The following CLN6 variants were observed in gnomAD, a reference collection of about 807,000 sequenced individuals.
CLN6 encodes the protein CLN6 transmembrane ER protein.
Under a neutral mutation model 33.3 loss-of-function variants are expected in CLN6, and 22 were observed. The observed-to-expected ratio is 0.66, with a 90% CI of 0.47 to 0.94. The LOEUF (loss-of-function observed/expected upper bound fraction) is 0.94, where lower values mean the gene tolerates loss of function less well. Among genes scored for constraint, CLN6 ranks in the 40% least tolerant of loss-of-function variants. The pLI, the probability that CLN6 is intolerant of heterozygous loss-of-function variation, is 0.00. For missense variants in CLN6, 387 were observed against 417.1 expected (o/e 0.93, Z 0.63); for synonymous variants, 201 against 174.6 (o/e 1.15, Z -1.19).
In CLN6 at chr15:68,208,009, C is replaced by A. The variant is rs556392570; in HGVS notation, c.*131G>T. 4.9e-4 allele frequency: 455 copies of A among 924,266 alleles called. No homozygotes were observed. Among genetic ancestry groups the A allele is most frequent in the Non-Finnish European group, 6.7e-4 (401 of 596,636 alleles). 57.3% of individuals were successfully genotyped at this position (924,266 alleles called of 1,614,324 possible). On this transcript the variant is annotated 3_prime_UTR_variant, in exon 7 of 7. Coordinates refer to ENST00000249806, the MANE Select transcript of CLN6 (RefSeq NM_017882.3). The surrounding 1 kb of genome is among the most constrained non-coding windows in gnomAD (Gnocchi z 5.8). ...ACACACACACACACACGAATCCACG[C>A]ACACGAGGCACACCCCACTCATGCT...
intron 2 of CLN6, among the ~76,000 whole-genome samples, chr15:68,216,635 T>C (rs1304764234): frequency 3.9e-5 from 6 of 152,236 alleles, no homozygotes; most frequent in Non-Finnish European, 5.9e-5. Flanking sequence ...GTATCCATAA[T>C]TTCTGCTTAA....
At chr15:68,231,639 T>C (rs2093268835), upstream of CLN6, among the ~76,000 whole-genome samples, 1 of 152,276 alleles carries the variant, frequency 6.6e-6, no homozygotes, top group Admixed American at 6.5e-5. Flanking sequence ...AGAGGTGGGC[T>C]TCCAGCCATC....
intron 1 of CLN6, chr15:68,254,675 A>G (rs1300040991): frequency 1.4e-6 from 1 of 729,494 alleles, no homozygotes; most frequent in Non-Finnish European, 2.5e-6. Flanking sequence ...AGGAGATAAA[A>G]CCAAGATGAA....
At position 68,246,961 on chromosome 15, in the gene CLN6, G is replaced by T. The variant is rs1192746006; in HGVS notation, c.179+9729C>A. Among the ~76,000 whole-genome samples, 1 of 152,050 alleles carries T rather than the reference G, an allele frequency of 6.6e-6. No homozygotes were observed. Among genetic ancestry groups the T allele is most frequent in the Non-Finnish European group, 1.5e-5 (1 of 68,018 alleles). ...ACTTTAGGTCAGGAGTTCGAGACCA[G>T]CCTGGCCAACATATTAAAACCCTGT... is the stretch of plus-strand genomic sequence containing the variant. On this transcript the variant is annotated intron_variant, in intron 1 of 6. Coordinates refer to the CLN6 transcript ENST00000538696. This position sits in a 1 kb window ranked among gnomAD's most constrained non-coding sequence, Gnocchi z 4.5.
chr15:68,224,478 C>T (rs1272698559), intron 1 of CLN6, among the ~76,000 whole-genome samples: 1 of 151,636 alleles, frequency 6.6e-6, no homozygotes, highest in Non-Finnish European at 1.5e-5. Context: ...AAAAATTAGC[C>T]CAGCATGGTG....
intron 1 of CLN6, among the ~76,000 whole-genome samples, chr15:68,237,786 T>TA (rs1465278847): frequency 6.6e-6 from 1 of 152,172 alleles, no homozygotes; most frequent in African/African-American, 2.4e-5. Flanking sequence ...CCAGATCTAA[T>TA]AAAAGACATG....
At position 68,229,563 on chromosome 15, in the gene CLN6, G is replaced by A. The variant is rs1322024206; in HGVS notation, c.22C>T (p.Gln8Ter). 3 of 1,467,282 alleles carry A rather than the reference G, an allele frequency of 2.0e-6. No homozygotes were observed. Among genetic ancestry groups the A allele is most frequent in the Admixed American group, 2.4e-5 (1 of 42,490 alleles). The allele number at this position is 1,467,282 out of a possible 1,614,324, so 90.9% of individuals were successfully genotyped here. ...GGGCCGCCCGTCGCTCCCAGGTGCTGCCGCCTCCGCGTCGCCTCCATGGCT... is the reference window on the plus strand; with the variant it reads ...GGGCCGCCCGTCGCTCCCAGGTGCTACCGCCTCCGCGTCGCCTCCATGGCT... MEATRRR[Q>*]HLGATGGPGA... is the part of the protein sequence containing the mutation. Residue 8 changes from glutamine to a stop codon, truncating the protein, a stop_gained, in exon 1 of 7, where the codon CAG (glutamine) becomes TAG (stop). Transcript: ENST00000249806. LOFTEE classifies it high-confidence loss of function.
chr15:68,214,440 C>T, intron 2 of CLN6, 52 bp from the exon 3 acceptor site: 1 of 1,424,666 alleles, frequency 7.0e-7, no homozygotes, highest in South Asian at 1.2e-5. Flanking sequence ...CCACGCGGCC[C>T]TCGGGCCTCA....
intron 2 of CLN6, among the ~76,000 whole-genome samples, chr15:68,215,882 G>A (rs141129369): frequency 5.9e-5 from 9 of 152,296 alleles, no homozygotes; most frequent in African/African-American, 1.2e-4. Flanking sequence ...GGGTGTTCCC[G>A]AAACTGTCAG....
intron 1 of CLN6, among the ~76,000 whole-genome samples, chr15:68,225,275 ATATT>A (rs2093248586): frequency 6.6e-6 from 1 of 152,246 alleles, no homozygotes. Flanking sequence ...TGTTGGAACA[ATATT>A]TATTAAATAC....
rs984604299 is a variant in CLN6, at chr15:68,220,583, G to A, written c.84-1933C>T. On this transcript the variant is annotated intron_variant, in intron 1 of 6. Coordinates refer to ENST00000249806, the MANE Select transcript of CLN6 (RefSeq NM_017882.3). This position sits in a 1 kb window ranked among gnomAD's most constrained non-coding sequence, Gnocchi z 4.2. ...CCTACAGCCAAGGTTCCACCCTCAA[G>A]GGACATCCAGGTAAGAATGAAGTAG... Among the ~76,000 whole-genome samples the A allele has an allele frequency of 1.3e-5, 2 of 152,198 alleles. No homozygotes were observed. The highest frequency in any genetic ancestry group is 2.9e-5 in the Non-Finnish European group (2 of 68,038).
At chr15:68,245,114 T>TG (rs1302161688) in intron 1 of CLN6, among the ~76,000 whole-genome samples, 1 of 148,872 alleles carries the variant, frequency 6.7e-6, no homozygotes, top group African/African-American at 2.5e-5. Flanking sequence ...TGTGGGGAGA[T>TG]GGAGTTAAAG....
intron 1 of CLN6, among the ~76,000 whole-genome samples, chr15:68,248,139 A>G (rs1353307530): frequency 6.6e-6 from 1 of 152,222 alleles, no homozygotes; most frequent in Non-Finnish European, 1.5e-5. Context: ...AAACAGACAC[A>G]TAGACTAATG....
rs780802736 is a variant in CLN6 at position 68,220,537 on chromosome 15, A to G, written c.84-1887T>C. Among the ~76,000 whole-genome samples, 1 of 152,244 alleles carries G rather than the reference A, an allele frequency of 6.6e-6. No individual in the cohort carries two copies. The highest frequency in any genetic ancestry group is 1.5e-5 in the Non-Finnish European group (1 of 68,034). On this transcript the variant is annotated intron_variant, in intron 1 of 6. Coordinates refer to ENST00000249806, the MANE Select transcript of CLN6 (RefSeq NM_017882.3). This position sits in a 1 kb window ranked among gnomAD's most constrained non-coding sequence, Gnocchi z 4.2. ...TCCTTCCTTTATAGTGCTGGGTTCTAAGGGTGCAAGCCCAGGACTGCCTAC... is the reference window on the plus strand; with the variant it reads ...TCCTTCCTTTATAGTGCTGGGTTCTGAGGGTGCAAGCCCAGGACTGCCTAC...
upstream of CLN6, chr15:68,229,772 A>AGGGAGGCGGGGCGGAGGGAGGCGGG (rs1555440260): frequency 2.5e-4 from 68 of 268,856 alleles, no homozygotes; most frequent in African/African-American, 1.6e-3. Flanking sequence ...AGCGGAGCGG[A>AGGGAGGCGGGGCGGAGGGAGGCGGG]GCGGAGGGAG....
At chr15:68,229,380 C>T in intron 1 of CLN6, 122 bp downstream of exon 1, 3 of 721,804 alleles carry the variant, frequency 4.2e-6, no homozygotes, top group Non-Finnish European at 6.0e-6. Context: ...GCGCTCCGCT[C>T]CGCCCCGGCC....
At chr15:68,253,720 G>T (rs2141167686) in intron 1 of CLN6, among the ~76,000 whole-genome samples, 1 of 152,340 alleles carries the variant, frequency 6.6e-6, no homozygotes, top group Admixed American at 6.5e-5. Flanking sequence ...ATGTGACAGT[G>T]ACACAAATGT....
At position 68,246,228 on chromosome 15, in the gene CLN6, G is replaced by A. The variant is rs561693032; in HGVS notation, c.179+10462C>T. On this transcript the variant is annotated intron_variant, in intron 1 of 6. Coordinates refer to the CLN6 transcript ENST00000538696. The surrounding 1 kb of genome is among the most constrained non-coding windows in gnomAD (Gnocchi z 4.5). ...ACTAGACCAAATAGGCCTAACTGAC[G>A]TTTACAGAACATTTCACCCAACTGC... is the stretch of plus-strand genomic sequence containing the variant. Among the ~76,000 whole-genome samples, 4 of 152,194 alleles carry A rather than the reference G, an allele frequency of 2.6e-5. No individual in the cohort carries two copies. The highest frequency in any genetic ancestry group is 7.2e-5 in the African/African-American group (3 of 41,482).
rs186797659 is a variant in CLN6, at chr15:68,214,173, C to A, written c.297+117G>T. On this transcript the variant is annotated intron_variant, in intron 3 of 6. Transcript: ENST00000249806. ...ACATGCTGCTCTGTCACAGCCTTCA[C>A]CCCCCAGCAGCAGGCAGGAGCGTGC... 5.2e-4 allele frequency: 416 copies of A among 801,758 alleles called. 1 individual carries two copies. Among genetic ancestry groups the A allele is most frequent in the Admixed American group, 1.6e-3 (81 of 50,310 alleles). The allele number at this position is 801,758 out of a possible 1,614,324, so 49.7% of individuals were successfully genotyped here. A position where few individuals can be genotyped will look rare whatever the true frequency, so the allele number is the denominator to read the frequency against.
Sources: allele counts gnomAD v4.1 joint callset (sites outside exome capture counted in the v4.1 genomes callset), GRCh38; gene constraint gnomAD v4.1.1; non-coding constraint Gnocchi (gnomAD v3.1); transcripts MANE v1.5; gene names NCBI Gene and HGNC (gene_info 2026-07-23, HGNC 2026-07-21).